The following CNTNAP5 variants were observed in gnomAD, a reference collection of about 807,000 sequenced individuals.
CNTNAP5 encodes contactin-associated protein-like 5.
In CNTNAP5, 72 loss-of-function variants were observed where a neutral mutation model predicts 150.2. The observed-to-expected ratio is 0.48, with a 90% CI of 0.40 to 0.58. CNTNAP5 has a LOEUF of 0.58. Among genes scored for constraint, CNTNAP5 ranks in the 20% least tolerant of loss-of-function variants. The pLI, the probability that CNTNAP5 is intolerant of heterozygous loss-of-function variation, is 0.00. For synonymous variants in CNTNAP5, 672 were observed against 619.8 expected, an observed-to-expected ratio of 1.08 and a Z score of -1.25; for missense variants, 1,636 against 1,626.2, an observed-to-expected ratio of 1.01 and a Z score of -0.10.
At chr2:124,212,983 C>A (rs973305665) in intron 1 of CNTNAP5, among the ~76,000 whole-genome samples, 1 of 151,800 alleles carries the variant, frequency 6.6e-6, no homozygotes, top group Non-Finnish European at 1.5e-5. Flanking sequence ...GGACTACAGG[C>A]GCCTGGCACC....
chr2:124,242,052 T>G, intron 2 of CNTNAP5, 148 bp from the exon 3 acceptor site: 1 of 616,656 alleles, frequency 1.6e-6, no homozygotes, highest in Non-Finnish European at 2.9e-6. Flanking sequence ...TACCAGGGGG[T>G]TAAGTACAGA....
intron 3 of CNTNAP5, among the ~76,000 whole-genome samples, chr2:124,401,630 C>T (rs926597109): frequency 1.3e-5 from 2 of 152,192 alleles, no homozygotes; most frequent in Non-Finnish European, 2.9e-5. Context: ...TTTATCAATG[C>T]CCTTTCTTGG....
chr2:124,105,419 T>C (rs1271859506), intron 1 of CNTNAP5, among the ~76,000 whole-genome samples: 1 of 152,208 alleles, frequency 6.6e-6, no homozygotes, highest in Non-Finnish European at 1.5e-5. Context: ...GATAGTGCCA[T>C]ATTGTCCAAC....
intron 12 of CNTNAP5, among the ~76,000 whole-genome samples, chr2:124,645,609 A>T (rs1337226768): frequency 6.6e-6 from 1 of 152,154 alleles, no homozygotes; most frequent in Non-Finnish European, 1.5e-5. Flanking sequence ...AACACTGGGG[A>T]CATGTGGGTT....
intron 3 of CNTNAP5, among the ~76,000 whole-genome samples, chr2:124,272,133 A>G (rs977817454): frequency 6.6e-6 from 1 of 152,130 alleles, no homozygotes; most frequent in Non-Finnish European, 1.5e-5. Flanking sequence ...CTTGTGACAT[A>G]AACTTATTTT....
rs572201078 is a variant in CNTNAP5 at position 124,316,283 on chromosome 2, G to T, written c.381+73890G>T. On this transcript the variant is annotated intron_variant, in intron 3 of 23. Transcript: ENST00000682447. Reference sequence around the variant, plus strand: ...TGCTGGGTGTTACAAAAGAGAACTAGCCTGGGGTCGGAGGACCTGAATATG... The same window carrying T: ...TGCTGGGTGTTACAAAAGAGAACTATCCTGGGGTCGGAGGACCTGAATATG... Among the ~76,000 whole-genome samples the T allele has an allele frequency of 2.0e-5, 3 of 152,280 alleles. No individual in the cohort carries two copies. In the South Asian group the frequency reaches 6.2e-4, roughly 32 times the overall value.
intron 6 of CNTNAP5, among the ~76,000 whole-genome samples, chr2:124,450,211 C>T (rs1692931134): frequency 6.6e-6 from 1 of 151,378 alleles, no homozygotes; most frequent in Admixed American, 6.6e-5. Flanking sequence ...GCATGTACTA[C>T]TCTGATATAT....
At chr2:124,233,877 C>A (rs944021455) in intron 2 of CNTNAP5, among the ~76,000 whole-genome samples, 4 of 151,832 alleles carry the variant, frequency 2.6e-5, no homozygotes, top group African/African-American at 9.7e-5. Flanking sequence ...TATCCAAAGT[C>A]ACAAGGTAGA....
chr2:124,199,863 A>G (rs1251962729), intron 1 of CNTNAP5, among the ~76,000 whole-genome samples: 1 of 152,206 alleles, frequency 6.6e-6, no homozygotes, highest in East Asian at 1.9e-4. Flanking sequence ...TCATTCTCAT[A>G]ATCTCTATGT....
At chr2:124,112,799 A>G (rs1683329924) in intron 1 of CNTNAP5, among the ~76,000 whole-genome samples, 1 of 152,030 alleles carries the variant, frequency 6.6e-6, no homozygotes, top group Non-Finnish European at 1.5e-5. Flanking sequence ...AACACTCCGT[A>G]TTTTTCAACT....
At chr2:124,147,002 A>T (rs1473214632) in intron 1 of CNTNAP5, among the ~76,000 whole-genome samples, 1 of 152,164 alleles carries the variant, frequency 6.6e-6, no homozygotes, top group African/African-American at 2.4e-5. Flanking sequence ...TAAACAATAA[A>T]CATACAAAGT....
At chr2:124,445,327 A>G (rs942680923) in intron 5 of CNTNAP5, among the ~76,000 whole-genome samples, 2 of 151,590 alleles carry the variant, frequency 1.3e-5, no homozygotes, top group Admixed American at 1.3e-4. Flanking sequence ...CAAACTCCTG[A>G]CCTCAGGTGA....
chr2:124,698,163 G>A (rs1679444305), intron 13 of CNTNAP5, among the ~76,000 whole-genome samples: 1 of 152,100 alleles, frequency 6.6e-6, no homozygotes, highest in South Asian at 2.1e-4. Context: ...TTCCTTTCCT[G>A]CAGCATGCAA....
At chr2:124,749,531 T>A (rs1327301219) in intron 14 of CNTNAP5, among the ~76,000 whole-genome samples, 1 of 152,018 alleles carries the variant, frequency 6.6e-6, no homozygotes, top group Non-Finnish European at 1.5e-5. Flanking sequence ...TTCAAGCGAT[T>A]CTCCTGCCTC....
chr2:124,225,625 G>A (rs957469818), intron 2 of CNTNAP5, among the ~76,000 whole-genome samples: 5 of 152,076 alleles, frequency 3.3e-5, no homozygotes, highest in African/African-American at 9.7e-5. Flanking sequence ...CCTTTTCTTT[G>A]TTTTGTAGTG....
intron 13 of CNTNAP5, among the ~76,000 whole-genome samples, chr2:124,738,951 A>G (rs1027005847): frequency 6.6e-6 from 1 of 152,150 alleles, no homozygotes; most frequent in Non-Finnish European, 1.5e-5. Context: ...GTATTTTTAT[A>G]TTCTCCTACA....
intron 17 of CNTNAP5, among the ~76,000 whole-genome samples, chr2:124,785,451 C>G (rs376181645): frequency 6.6e-6 from 1 of 152,108 alleles, no homozygotes; most frequent in African/African-American, 2.4e-5. Context: ...AGGAAATGAT[C>G]GGTGGGTAGA....
chr2:124,705,509 CAG>C (rs34819347), intron 13 of CNTNAP5, among the ~76,000 whole-genome samples: 3 of 151,650 alleles, frequency 2.0e-5, no homozygotes, highest in African/African-American at 7.3e-5. Context: ...GCCTGAGTGA[CAG>C]AGAGAGACTC....
chr2:124,317,172 T>C (rs1054917205), intron 3 of CNTNAP5, among the ~76,000 whole-genome samples: 1 of 152,176 alleles, frequency 6.6e-6, no homozygotes, highest in Non-Finnish European at 1.5e-5. Context: ...CTCACATGAC[T>C]TCAGGGCAGA....
Sources: allele counts gnomAD v4.1 joint callset (sites outside exome capture counted in the v4.1 genomes callset), GRCh38; gene constraint gnomAD v4.1.1; transcripts MANE v1.5; gene names NCBI Gene and HGNC (gene_info 2026-07-23, HGNC 2026-07-21).